Variants in WHRN observed in about 807,000 individuals in gnomAD.
WHRN encodes the protein CASK-interacting protein CIP98.
A neutral mutation model predicts 68.3 loss-of-function variants in WHRN; 41 were observed. The ratio of observed to expected loss-of-function variants is 0.60; its 90% CI spans 0.47 to 0.78. WHRN has a LOEUF of 0.78. Ranked by LOEUF, WHRN falls within the 30% of genes least tolerant of loss-of-function variation. The probability of loss-of-function intolerance (pLI) is 0.00; values close to 1 mark genes in which losing one functional copy is unlikely to be tolerated. For synonymous variants in WHRN, 560 were observed against 561.3 expected, an observed-to-expected ratio of 1.00 and a Z score of 0.03; for missense variants, 1,243 against 1,244.7, an observed-to-expected ratio of 1.00 and a Z score of 0.02.
rs1564111328 is a variant in WHRN, at chr9:114,402,216, A to AT, written c.*537_*538insA. The stretch of plus-strand genomic sequence containing the variant: ...GGGAAGCTGGGGCCTTGGGGTCCCC[A>AT]GGGGCATGGGGAGGGAAATAAATAA... On this transcript the variant is annotated 3_prime_UTR_variant, in exon 12 of 12. Coordinates refer to ENST00000362057, the MANE Select transcript of WHRN (RefSeq NM_015404.4). 5.8e-6 allele frequency: 1 copy of AT among 172,396 alleles called. No individual in the cohort carries two copies. Among genetic ancestry groups the AT allele is most frequent in the African/African-American group, 2.4e-5 (1 of 41,998 alleles). The allele number at this position is 172,396 out of a possible 1,614,324, so 10.7% of individuals were successfully genotyped here. A position where few individuals can be genotyped will look rare whatever the true frequency, so the allele number is the denominator to read the frequency against.
chr9:114,470,185 A>C (rs997610884), intron 2 of WHRN, among the ~76,000 whole-genome samples: 2 of 152,184 alleles, frequency 1.3e-5, no homozygotes, highest in African/African-American at 4.8e-5. Context: ...TTTTTCAGGC[A>C]AATCTTTGTC....
chr9:114,455,713 C>CA (rs34546424), intron 3 of WHRN, among the ~76,000 whole-genome samples: 2,060 of 123,284 alleles, frequency 0.017, 23 homozygotes, highest in Middle Eastern at 0.053. Flanking sequence ...GACCCTGTCT[C>CA]AAAAAAAAAA....
At chr9:114,469,391 T>A (rs1022743894) in intron 2 of WHRN, among the ~76,000 whole-genome samples, 7 of 152,302 alleles carry the variant, frequency 4.6e-5, no homozygotes, top group South Asian at 2.1e-4. Context: ...AAGAGAATGC[T>A]GAGAGGAAAG....
rs140090157 is a variant in WHRN at position 114,487,547 on chromosome 9, A to G, written c.619-8776T>C. ...CTACCGAATTCTCATTCTCCTATCA[A>G]TGGACATTTAGGGTGTTTCTCATTT... is the stretch of plus-strand genomic sequence containing the variant. On this transcript the variant is annotated intron_variant, in intron 1 of 11. Transcript: ENST00000362057. 1.9e-4 allele frequency among the ~76,000 whole-genome samples: 29 copies of G among 152,224 alleles called. No individual in the cohort carries two copies. In the East Asian group the frequency reaches 5.4e-3, roughly 28 times the overall value.
chr9:114,490,324 T>C (rs1376354401), intron 1 of WHRN, among the ~76,000 whole-genome samples: 1 of 152,190 alleles, frequency 6.6e-6, no homozygotes, highest in Non-Finnish European at 1.5e-5. Flanking sequence ...TACACAAGGA[T>C]AAAGGCCAGG....
chr9:114,425,397 C>T lies in WHRN; in HGVS notation c.1167-373G>A, dbSNP rs533456288. On this transcript the variant is annotated intron_variant, in intron 4 of 11. Coordinates refer to ENST00000362057, the MANE Select transcript of WHRN (RefSeq NM_015404.4). ...GCTTAGGGGCCGGTGAACTGGAGAT[C>T]CCAGATGCAACTCGCAGGTGCGGCT... 1.4e-3 allele frequency: 775 copies of T among 563,636 alleles called. 5 individuals are homozygous for T. Among genetic ancestry groups the T allele is most frequent in the Middle Eastern group, 2.8e-3 (6 of 2,136 alleles). The allele number at this position is 563,636 out of a possible 1,614,324, so 34.9% of individuals were successfully genotyped here. A position where few individuals can be genotyped will look rare whatever the true frequency, so the allele number is the denominator to read the frequency against.
chr9:114,488,522 A>G (rs1372327838), intron 1 of WHRN, among the ~76,000 whole-genome samples: 2 of 152,048 alleles, frequency 1.3e-5, no homozygotes, highest in African/African-American at 4.8e-5. Flanking sequence ...CACCAGGCCA[A>G]TCCTACACCT....
chr9:114,485,273 C>T (rs961673299), intron 1 of WHRN, among the ~76,000 whole-genome samples: 6 of 152,248 alleles, frequency 3.9e-5, no homozygotes, highest in African/African-American at 1.4e-4. Flanking sequence ...TTCGCAGCCG[C>T]ACCTTGCCTA....
At chr9:114,425,092 G>A in intron 4 of WHRN, 68 bp from the exon 5 acceptor site, 1 of 1,495,042 alleles carries the variant, frequency 6.7e-7, no homozygotes, top group Non-Finnish European at 9.3e-7. Context: ...GCAAGGGACA[G>A]GGTGACTTGG....
At chr9:114,433,430 A>G (rs1316770363) in intron 3 of WHRN, among the ~76,000 whole-genome samples, 2 of 152,214 alleles carry the variant, frequency 1.3e-5, no homozygotes, top group Admixed American at 6.5e-5. Context: ...AGTTGCCTTC[A>G]GCACCCTCCC....
intron 7 of WHRN, among the ~76,000 whole-genome samples, chr9:114,417,329 G>A (rs575925056): frequency 3.3e-5 from 5 of 152,302 alleles, no homozygotes; most frequent in South Asian, 2.1e-4. Flanking sequence ...GGGGCATCTC[G>A]GTCATCGATA....
rs1836548225 is a variant in WHRN, at chr9:114,423,857, T to TC, written c.1417-335dup. The stretch of plus-strand genomic sequence containing the variant: ...CCAATACTCATCTCCAAATCCTATT[T>TC]CCTCTGTTAAGTCTTCCGAAACATA... On this transcript the variant is annotated intron_variant, in intron 6 of 11. Transcript: ENST00000362057. Among the ~76,000 whole-genome samples, 8 of 152,296 alleles carry TC rather than the reference T, an allele frequency of 5.3e-5. 1 individual carries two copies. In the South Asian group the frequency reaches 1.7e-3, roughly 32 times the overall value.
intron 3 of WHRN, among the ~76,000 whole-genome samples, chr9:114,446,812 C>G (rs1360854079): frequency 6.6e-6 from 1 of 152,098 alleles, no homozygotes; most frequent in South Asian, 2.1e-4. Context: ...CTCACTCACT[C>G]CTAGTGCCAC....
chr9:114,402,695 G>A lies in WHRN; in HGVS notation c.*59C>T, dbSNP rs1465322169. ...CGCAAGGAGCTTGATGAAGCCAACGGTGGAAAGGGACTGGGACCAGGGGCT... is the reference window on the plus strand; with the variant it reads ...CGCAAGGAGCTTGATGAAGCCAACGATGGAAAGGGACTGGGACCAGGGGCT... On this transcript the variant is annotated 3_prime_UTR_variant, in exon 12 of 12. Coordinates refer to ENST00000362057, the MANE Select transcript of WHRN (RefSeq NM_015404.4). The A allele has an allele frequency of 6.2e-7, 1 of 1,606,716 alleles. No homozygotes were observed. The highest frequency in any genetic ancestry group is 2.2e-5 in the East Asian group (1 of 44,882).
intron 3 of WHRN, among the ~76,000 whole-genome samples, chr9:114,459,668 G>A (rs1228729206): frequency 6.6e-6 from 1 of 152,172 alleles, no homozygotes; most frequent in African/African-American, 2.4e-5. Context: ...AGTCGATATG[G>A]TCAGGCTCCT....
At chr9:114,472,102 A>G (rs1330056872) in intron 2 of WHRN, among the ~76,000 whole-genome samples, 2 of 152,202 alleles carry the variant, frequency 1.3e-5, no homozygotes. Flanking sequence ...AGCCAAAAGC[A>G]CCCCTAACTG....
chr9:114,423,884 C>A (rs1836550098), intron 6 of WHRN, among the ~76,000 whole-genome samples: 1 of 152,232 alleles, frequency 6.6e-6, no homozygotes, highest in African/African-American at 2.4e-5. Flanking sequence ...CGAAACATAA[C>A]CCCTCCCAGT....
chr9:114,503,201 G>A, intron 1 of WHRN: 1 of 985,550 alleles, frequency 1.0e-6, no homozygotes, highest in East Asian at 1.1e-4. Flanking sequence ...CTCAGCTGGA[G>A]TTCAAAACAC....
chr9:114,486,957 GTGTATATATATATATATATATATA>G (rs1842576288), intron 1 of WHRN, among the ~76,000 whole-genome samples: 2 of 2,888 alleles, frequency 6.9e-4, no homozygotes, highest in African/African-American at 8.9e-4. Flanking sequence ...GTGTGTGTGT[GTGTATATATATATATATATATATA>G]TATATATATA....
Sources: allele counts gnomAD v4.1 joint callset (sites outside exome capture counted in the v4.1 genomes callset), GRCh38; gene constraint gnomAD v4.1.1; transcripts MANE v1.5; gene names NCBI Gene and HGNC (gene_info 2026-07-23, HGNC 2026-07-21).